EPAS1: variants seen among roughly 807,000 people sequenced by gnomAD.
The protein encoded by EPAS1 is endothelial PAS domain-containing protein 1.
A neutral mutation model predicts 87.9 loss-of-function variants in EPAS1; 23 were observed. The ratio of observed to expected loss-of-function variants is 0.26; its 90% CI spans 0.19 to 0.37. The LOEUF is 0.37. Among genes scored for constraint, EPAS1 ranks in the 10% least tolerant of loss-of-function variants. The pLI, the probability that EPAS1 is intolerant of heterozygous loss-of-function variation, is 1.00. For missense variants in EPAS1, 1,138 were observed against 1,120.7 expected, an observed-to-expected ratio of 1.02 and a Z score of -0.22; for synonymous variants, 508 against 444.3, an observed-to-expected ratio of 1.14 and a Z score of -1.80.
rs755176702 is a variant in EPAS1 at position 46,381,719 on chromosome 2, C to T, written c.2169C>T (p.Ser723=). ...EYEEQAFQDL[S]GGDPPGGSTS... ...AAGAGCAAGCCTTCCAGGACCTGAG[C>T]GGGGTGAGTCATCCCCACTGGCCAC... Residue 723 remains serine (S), a synonymous_variant, in exon 13 of 16, where the codon AGC becomes AGT. Transcript: ENST00000263734. The T allele has an allele frequency of 5.6e-5, 91 of 1,613,612 alleles. No individual in the cohort carries two copies. In the South Asian group the frequency reaches 8.0e-4, roughly 14 times the overall value.
At position 46,347,160 on chromosome 2, in the gene EPAS1, A is replaced by C; in HGVS notation, c.217+97A>C. ...CTTCTGCTGCCAGAGCTGGAAAGTC[A>C]CCCCACTACAGAACTTTCACCCACA... On this transcript the variant is annotated intron_variant, in intron 2 of 15. Coordinates refer to ENST00000263734, the MANE Select transcript of EPAS1 (RefSeq NM_001430.5). The surrounding 1 kb of genome is among the most constrained non-coding windows in gnomAD (Gnocchi z 4.2). 7.2e-7 allele frequency: 1 copy of C among 1,380,440 alleles called. No homozygotes were observed. Among genetic ancestry groups the C allele is most frequent in the East Asian group, 2.3e-5 (1 of 43,646 alleles). The allele number at this position is 1,380,440 out of a possible 1,614,324, so 85.5% of individuals were successfully genotyped here.
At chr2:46,355,444 G>T (rs548903813) in intron 2 of EPAS1, among the ~76,000 whole-genome samples, 4 of 152,282 alleles carry the variant, frequency 2.6e-5, no homozygotes, top group Admixed American at 6.5e-5. Flanking sequence ...TGCTAGCTTT[G>T]CAATCTTTAT....
intron 1 of EPAS1, among the ~76,000 whole-genome samples, chr2:46,334,601 C>T (rs1683752196): frequency 6.6e-6 from 1 of 152,202 alleles, no homozygotes; most frequent in Non-Finnish European, 1.5e-5. Flanking sequence ...CAGGACTTGG[C>T]TCTTCACCTC....
At chr2:46,328,027 A>T (rs142028895) in intron 1 of EPAS1, among the ~76,000 whole-genome samples, 1 of 152,210 alleles carries the variant, frequency 6.6e-6, no homozygotes, top group Non-Finnish European at 1.5e-5. Flanking sequence ...GTTTTGAGAA[A>T]ACTTGGCAAC....
intron 1 of EPAS1, among the ~76,000 whole-genome samples, chr2:46,339,197 T>G (rs1217192745): frequency 2.6e-5 from 4 of 152,246 alleles, no homozygotes; most frequent in African/African-American, 9.6e-5. Context: ...AGCAAAGTAT[T>G]AATTTATAAA....
In EPAS1 at chr2:46,339,785, G is replaced by A. The variant is rs542910666; in HGVS notation, c.27-7088G>A. Among the ~76,000 whole-genome samples the A allele has an allele frequency of 1.2e-4, 18 of 152,330 alleles. 1 individual carries two copies. The South Asian group carries it at 3.1e-3, about 26-fold the overall frequency. On this transcript the variant is annotated intron_variant, in intron 1 of 15. Transcript: ENST00000263734. ...TGGGAAGTCCAGTGTCCAGGTGCCA[G>A]CAGATTCAGTGTCTGGTAAGGGCCC... is the stretch of plus-strand genomic sequence containing the variant.
At chr2:46,365,238 CA>C (rs1364582727) in intron 6 of EPAS1, among the ~76,000 whole-genome samples, 2 of 152,086 alleles carry the variant, frequency 1.3e-5, no homozygotes, top group Non-Finnish European at 2.9e-5. Flanking sequence ...GCAGTATCAC[CA>C]GGGGAAGAGG....
chr2:46,378,200 G>GC, intron 10 of EPAS1, 113 bp downstream of exon 10: 1 of 1,481,258 alleles, frequency 6.8e-7, no homozygotes, highest in Non-Finnish European at 8.9e-7. Flanking sequence ...TTATCACAGA[G>GC]CCCCCTAGAG....
rs564805539 is a variant in EPAS1, at chr2:46,316,366, C to G, written c.26+18429C>G. 1.3e-3 allele frequency among the ~76,000 whole-genome samples: 195 copies of G among 152,104 alleles called. 2 individuals carry two copies. The highest frequency in any genetic ancestry group is 4.5e-3 in the African/African-American group (188 of 41,488). On this transcript the variant is annotated intron_variant, in intron 1 of 15. Coordinates refer to ENST00000263734, the MANE Select transcript of EPAS1 (RefSeq NM_001430.5). ...TTCCGCCTCCTGGGTTCAAGCAATT[C>G]TGGTGCCTCAGCACCCCCGAGTAGC...
rs966442482 is a variant in EPAS1, at chr2:46,371,564, C to G, written c.886+1631C>G. 7.9e-5 allele frequency among the ~76,000 whole-genome samples: 12 copies of G among 152,148 alleles called. No individual in the cohort carries two copies. The highest frequency in any genetic ancestry group is 2.9e-4 in the African/African-American group (12 of 41,422). ...GTAGGAGTGGAGGTACTCTTTTATG[C>G]CTGTGAATGTGACCCCACCTTAGCC... On this transcript the variant is annotated intron_variant, in intron 7 of 15. Transcript: ENST00000263734. This position sits in a 1 kb window ranked among gnomAD's most constrained non-coding sequence, Gnocchi z 4.3.
intron 6 of EPAS1, among the ~76,000 whole-genome samples, chr2:46,365,985 G>A (rs565349526): frequency 2.3e-4 from 35 of 152,194 alleles, no homozygotes; most frequent in African/African-American, 7.7e-4. Flanking sequence ...CTCTTAAACA[G>A]TTTAAATACT....
At chr2:46,361,128 G>A in intron 6 of EPAS1, 38 bp downstream of exon 6, 1 of 1,603,788 alleles carries the variant, frequency 6.2e-7, no homozygotes, top group South Asian at 1.1e-5. Context: ...GGGCAGAGAT[G>A]GGTCTTACCT....
intron 1 of EPAS1, among the ~76,000 whole-genome samples, chr2:46,308,737 T>A (rs972132486): frequency 4.6e-5 from 7 of 152,236 alleles, no homozygotes; most frequent in African/African-American, 1.4e-4. Flanking sequence ...GAATGCCTTA[T>A]ACACTAATGT....
intron 1 of EPAS1, among the ~76,000 whole-genome samples, chr2:46,328,775 C>T (rs920386140): frequency 2.6e-5 from 4 of 152,286 alleles, no homozygotes; most frequent in Admixed American, 6.5e-5. Context: ...GTGAAATGTA[C>T]AATATCTTCC....
intron 3 of EPAS1, 134 bp downstream of exon 3, chr2:46,356,436 C>A: frequency 8.5e-7 from 1 of 1,170,144 alleles, no homozygotes; most frequent in Non-Finnish European, 1.2e-6. Context: ...TGACCTCAGG[C>A]CACACGCCTC....
At chr2:46,364,604 T>G (rs970266167) in intron 6 of EPAS1, among the ~76,000 whole-genome samples, 3 of 152,250 alleles carry the variant, frequency 2.0e-5, no homozygotes, top group Non-Finnish European at 2.9e-5. Context: ...AAGTCCTGCA[T>G]TAATTGTTTT....
intron 1 of EPAS1, among the ~76,000 whole-genome samples, chr2:46,324,084 T>A (rs1683506280): frequency 6.6e-6 from 1 of 152,242 alleles, no homozygotes; most frequent in South Asian, 2.1e-4. Flanking sequence ...TGTTTGTTTT[T>A]GAGACGGAGT....
chr2:46,316,171 C>T lies in EPAS1; in HGVS notation c.26+18234C>T, dbSNP rs368813099. 9.3e-5 allele frequency among the ~76,000 whole-genome samples: 14 copies of T among 150,688 alleles called. No individual in the cohort carries two copies. The East Asian group carries it at 1.3e-3, about 15-fold the overall frequency. On this transcript the variant is annotated intron_variant, in intron 1 of 15. Transcript: ENST00000263734. ...CAGTAAAGTGAATATCACAATAAAA[C>T]GAGTCACATGATTTTTTTTTGTTTC... is the stretch of plus-strand genomic sequence containing the variant.
At chr2:46,323,399 T>A (rs945043401) in intron 1 of EPAS1, among the ~76,000 whole-genome samples, 5 of 152,194 alleles carry the variant, frequency 3.3e-5, no homozygotes, top group African/African-American at 1.2e-4. Flanking sequence ...TTTTAACAAA[T>A]GGATGGGAGG....
Sources: gnomAD v4.1 joint callset for allele counts (sites outside exome capture counted in the v4.1 genomes callset) on GRCh38, gnomAD v4.1.1 for gene constraint, Gnocchi (gnomAD v3.1) non-coding constraint, MANE v1.5 for transcripts, NCBI Gene and HGNC (gene_info 2026-07-23, HGNC 2026-07-21) for gene names.